The following PTPN3 variants were observed in gnomAD, a reference collection of about 807,000 sequenced individuals.
PTPN3 encodes tyrosine-protein phosphatase non-receptor type 3.
In PTPN3, 96 loss-of-function variants were observed where a neutral mutation model predicts 132.7. That is an observed-to-expected ratio of 0.72 (90% CI 0.61 to 0.86). PTPN3 has a LOEUF of 0.86. PTPN3 is among the 40% of genes least tolerant of loss of function. The pLI is 0.00. For synonymous variants in PTPN3, 398 were observed against 429.0 expected (o/e 0.93, Z 0.89); for missense variants, 1,125 against 1,159.6 (o/e 0.97, Z 0.43).
intron 12 of PTPN3, among the ~76,000 whole-genome samples, chr9:109,424,105 A>C (rs1843075441): frequency 6.6e-6 from 1 of 152,148 alleles, no homozygotes; most frequent in Non-Finnish European, 1.5e-5. Flanking sequence ...AAACTGCCCA[A>C]CTCCAAGGTT....
intron 1 of PTPN3, among the ~76,000 whole-genome samples, chr9:109,483,273 T>C (rs1440508057): frequency 1.3e-5 from 2 of 152,176 alleles, no homozygotes; most frequent in Non-Finnish European, 2.9e-5. Flanking sequence ...GCTAATGCCA[T>C]AGCTGGGCCT....
At chr9:109,443,701 T>C (rs7042162) in intron 7 of PTPN3, among the ~76,000 whole-genome samples, 34,326 of 152,044 alleles carry the variant, frequency 0.23, 4,224 homozygotes, top group Admixed American at 0.33. Context: ...CTGGTGACCA[T>C]GCCACTTCCC....
intron 1 of PTPN3, among the ~76,000 whole-genome samples, chr9:109,477,599 G>A (rs530900813): frequency 6.6e-6 from 1 of 152,350 alleles, no homozygotes; most frequent in Admixed American, 6.5e-5. Context: ...GGACTGGAGT[G>A]TGTCACATGA....
In PTPN3 at chr9:109,383,571, G is replaced by A. The variant is rs760362094; in HGVS notation, c.2254-20C>T. The stretch of plus-strand genomic sequence containing the variant: ...TTTGGTCTGTAAGAAACCACCGAGA[G>A]TGAGTGAGCCCCGTCTGTGGGGTGT... On this transcript the variant is annotated intron_variant, in intron 22 of 25. Transcript: ENST00000374541. 5.0e-6 allele frequency: 8 copies of A among 1,612,056 alleles called. No individual in the cohort carries two copies. The Admixed American group carries it at 1.3e-4, about 27-fold the overall frequency.
chr9:109,408,496 TGGTACA>T, intron 16 of PTPN3, 119 bp from the exon 17 acceptor site: 1 of 677,130 alleles, frequency 1.5e-6, no homozygotes, highest in East Asian at 2.7e-5. Flanking sequence ...TGTGAGTCTT[TGGTACA>T]GGGAGGCTTC....
At chr9:109,485,013 G>A (rs1252338147) in intron 1 of PTPN3, among the ~76,000 whole-genome samples, 1 of 152,072 alleles carries the variant, frequency 6.6e-6, no homozygotes. Context: ...TGGATTACTT[G>A]AGTCCAGGAG....
chr9:109,488,022 G>A (rs139018948), intron 1 of PTPN3, among the ~76,000 whole-genome samples: 1 of 151,814 alleles, frequency 6.6e-6, no homozygotes, highest in Non-Finnish European at 1.5e-5. Flanking sequence ...GACATGCTCT[G>A]TCCTGTAAAA....
chr9:109,484,696 T>A (rs75344551), intron 1 of PTPN3, among the ~76,000 whole-genome samples: 1 of 152,196 alleles, frequency 6.6e-6, no homozygotes, highest in Non-Finnish European at 1.5e-5. Context: ...AGCAGCACCC[T>A]TGTTTGATAT....
At chr9:109,407,423 A>G (rs1841656999) in intron 17 of PTPN3, among the ~76,000 whole-genome samples, 1 of 152,204 alleles carries the variant, frequency 6.6e-6, no homozygotes. Flanking sequence ...AGTGATGAAC[A>G]TGTTAATTTG....
At chr9:109,453,475 T>C (rs1020146559) in intron 5 of PTPN3, among the ~76,000 whole-genome samples, 2 of 152,168 alleles carry the variant, frequency 1.3e-5, no homozygotes, top group African/African-American at 4.8e-5. Flanking sequence ...CAGCAACAAC[T>C]TTCTTGTGCT....
chr9:109,497,258 A>C (rs866889992), intron 1 of PTPN3, among the ~76,000 whole-genome samples: 1 of 152,138 alleles, frequency 6.6e-6, no homozygotes, highest in Non-Finnish European at 1.5e-5. Flanking sequence ...CTCTAAACGA[A>C]TTAAATTCAC....
At chr9:109,436,193 G>A (rs866586359) in intron 9 of PTPN3, among the ~76,000 whole-genome samples, 3 of 152,182 alleles carry the variant, frequency 2.0e-5, no homozygotes, top group Admixed American at 6.5e-5. Flanking sequence ...GGTAGAAAAC[G>A]TATGCCACTG....
the PTPN3 span, among the ~76,000 whole-genome samples, chr9:109,518,546 C>T: frequency 1.1e-4 from 17 of 152,288 alleles, no homozygotes; most frequent in African/African-American, 3.8e-4. Flanking sequence ...TGCCATCTCC[C>T]AATCACCGTA....
intron 19 of PTPN3, among the ~76,000 whole-genome samples, chr9:109,398,496 A>G (rs1211168688): frequency 6.6e-6 from 1 of 152,214 alleles, no homozygotes; most frequent in Non-Finnish European, 1.5e-5. Flanking sequence ...GGCCAGAAGA[A>G]CAAAGATGGT....
the PTPN3 span, chr9:109,533,769 A>G: frequency 4.5e-6 from 6 of 1,330,406 alleles, no homozygotes; most frequent in South Asian, 1.4e-5. Flanking sequence ...CACCTGCTGT[A>G]GGGCCGGCGT....
chr9:109,461,429 C>T (rs1248430351), intron 2 of PTPN3, among the ~76,000 whole-genome samples: 1 of 152,182 alleles, frequency 6.6e-6, no homozygotes, highest in Non-Finnish European at 1.5e-5. Context: ...CTATGAACTA[C>T]TAAAGACTGC....
chr9:109,495,021 C>G (rs367599613), intron 1 of PTPN3, among the ~76,000 whole-genome samples: 5 of 152,150 alleles, frequency 3.3e-5, no homozygotes, highest in East Asian at 1.9e-4. Flanking sequence ...GCTTACCAAG[C>G]ACTTCTCAGG....
the PTPN3 span, among the ~76,000 whole-genome samples, chr9:109,537,121 G>A: frequency 6.6e-6 from 1 of 152,154 alleles, no homozygotes; most frequent in Admixed American, 6.5e-5. Flanking sequence ...AGCCTACAAA[G>A]CCTCTGTTCT....
intron 1 of PTPN3, among the ~76,000 whole-genome samples, chr9:109,467,338 C>T (rs896863017): frequency 9.9e-5 from 15 of 151,918 alleles, no homozygotes; most frequent in African/African-American, 2.2e-4. Flanking sequence ...ATCAGAATCA[C>T]CTGAGGAGCT....
Sources: allele counts gnomAD v4.1 joint callset (sites outside exome capture counted in the v4.1 genomes callset), GRCh38; gene constraint gnomAD v4.1.1; transcripts MANE v1.5; gene names NCBI Gene and HGNC (gene_info 2026-07-23, HGNC 2026-07-21).